The following IPMK variants were observed in gnomAD, a reference collection of about 807,000 sequenced individuals.
IPMK encodes the protein inositol polyphosphate multikinase.
IPMK carries 17 observed loss-of-function variants against 45.8 expected under a neutral mutation model. The ratio of observed to expected loss-of-function variants is 0.37; its 90% CI spans 0.25 to 0.56. The LOEUF (loss-of-function observed/expected upper bound fraction) is 0.56. Among genes scored for constraint, IPMK ranks in the 20% least tolerant of loss-of-function variants. IPMK has a pLI of 0.79. For synonymous variants in IPMK, 180 were observed against 184.3 expected (o/e 0.98, Z 0.19); for missense variants, 399 against 498.0 (o/e 0.80, Z 1.89).
At chr10:58,237,648 A>C in intron 2 of IPMK, 81 bp downstream of exon 2, 1 of 1,002,166 alleles carries the variant, frequency 1.0e-6, no homozygotes, top group Admixed American at 1.7e-5. Flanking sequence ...ATGCTGTCAA[A>C]TATGTGTCTT....
intron 4 of IPMK, among the ~76,000 whole-genome samples, chr10:58,215,463 C>T (rs1160756331): frequency 6.6e-6 from 1 of 150,674 alleles, no homozygotes; most frequent in Non-Finnish European, 1.5e-5. Flanking sequence ...GGCTGGAGTG[C>T]AGTGGCATGA....
chr10:58,246,659 T>C (rs962584409), intron 1 of IPMK, among the ~76,000 whole-genome samples: 1 of 148,216 alleles, frequency 6.7e-6, no homozygotes, highest in Non-Finnish European at 1.5e-5. Flanking sequence ...CAATTCAAGA[T>C]GGATTAAAGA....
At chr10:58,243,341 G>C (rs1838725322) in intron 1 of IPMK, among the ~76,000 whole-genome samples, 1 of 152,226 alleles carries the variant, frequency 6.6e-6, no homozygotes, top group South Asian at 2.1e-4. Context: ...GTATACAATA[G>C]AATGTCACTG....
At chr10:58,247,712 G>A (rs76657208) in intron 1 of IPMK, among the ~76,000 whole-genome samples, 15 of 152,250 alleles carry the variant, frequency 9.9e-5, no homozygotes, top group Non-Finnish European at 1.6e-4. Flanking sequence ...GCTAGATGGC[G>A]AGTTAGTGAG....
At chr10:58,246,503 A>G (rs1470215202) in intron 1 of IPMK, among the ~76,000 whole-genome samples, 2 of 142,868 alleles carry the variant, frequency 1.4e-5, no homozygotes, top group Admixed American at 6.7e-5. Flanking sequence ...AACGCCGCAT[A>G]TCTACAACTA....
intron 2 of IPMK, among the ~76,000 whole-genome samples, chr10:58,228,595 G>A (rs1838457164): frequency 6.6e-6 from 1 of 152,196 alleles, no homozygotes; most frequent in African/African-American, 2.4e-5. Flanking sequence ...GTGCAGTGGT[G>A]CAATCTCAGC....
intron 1 of IPMK, among the ~76,000 whole-genome samples, chr10:58,247,820 TA>T (rs1166185803): frequency 6.6e-6 from 1 of 151,948 alleles, no homozygotes; most frequent in Non-Finnish European, 1.5e-5. Flanking sequence ...AATAAATAAA[TA>T]AAAAAGAATT....
intron 3 of IPMK, among the ~76,000 whole-genome samples, chr10:58,221,523 CA>C (rs1301653016): frequency 6.6e-6 from 1 of 151,738 alleles, no homozygotes; most frequent in African/African-American, 2.4e-5. Flanking sequence ...AAGACTGATC[CA>C]AAAAAATATA....
intron 1 of IPMK, among the ~76,000 whole-genome samples, chr10:58,253,645 G>A (rs985403706): frequency 6.6e-6 from 1 of 151,024 alleles, no homozygotes; most frequent in African/African-American, 2.4e-5. Context: ...GGCTGAGGCG[G>A]GAGAATGCTT....
At position 58,211,919 on chromosome 10, in the gene IPMK, A is replaced by AAAAAAATAAAAAAT. The variant is rs1554823053; in HGVS notation, c.546+4225_546+4226insATTTTTTATTTTTT. On this transcript the variant is annotated intron_variant, in intron 4 of 5. Coordinates refer to ENST00000373935, the MANE Select transcript of IPMK (RefSeq NM_152230.5). Reference sequence around the variant, plus strand: ...ATCTCACCAAAAAAAAAAAAAAAAAAAAAAAATTTGTTTTCATTGTTGTGG... The same window carrying AAAAAAATAAAAAAT: ...ATCTCACCAAAAAAAAAAAAAAAAAAAAAAAATAAAAAATAAAAAATTTGTTTTCATTGTTGTGG... Among the ~76,000 whole-genome samples, 131 of 148,224 alleles carry AAAAAAATAAAAAAT rather than the reference A, an allele frequency of 8.8e-4. 2 individuals carry two copies. Among genetic ancestry groups the AAAAAAATAAAAAAT allele is most frequent in the African/African-American group, 3.3e-3 (127 of 38,238 alleles).
chr10:58,205,875 A>C (rs1158017098), intron 4 of IPMK, among the ~76,000 whole-genome samples: 1 of 152,240 alleles, frequency 6.6e-6, no homozygotes, highest in Non-Finnish European at 1.5e-5. Flanking sequence ...TGGTAAAGTC[A>C]CTTTGGAAAA....
intron 4 of IPMK, among the ~76,000 whole-genome samples, chr10:58,212,223 T>G (rs1459591112): frequency 6.6e-6 from 1 of 152,204 alleles, no homozygotes; most frequent in Non-Finnish European, 1.5e-5. Context: ...AACAGTCTTA[T>G]TCTTTCTAGT....
At position 58,196,326 on chromosome 10, in the gene IPMK, G is replaced by A; in HGVS notation, c.1001C>T (p.Ser334Leu). 6.2e-7 allele frequency: 1 copy of A among 1,614,132 alleles called. No homozygotes were observed. Among genetic ancestry groups the A allele is most frequent in the Non-Finnish European group, 8.5e-7 (1 of 1,180,024 alleles). The change falls in exon 6 of 6, where the codon TCA becomes TTA. Residue 334 changes from serine to leucine, a missense_variant. Around this residue, in one of 2 missense-constraint regions of IPMK, gnomAD observed 288 missense variants for 398.0 expected, o/e 0.72. Transcript: ENST00000373935. ...IYTKKHHSQT[S>L]LKVENLEQDN... ...TTGCTCCAGATTTTCAACTTTCAAT[G>A]AAGTCTGACTGTGATGCTTTTTTGT...
At chr10:58,243,678 T>C (rs1838734217) in intron 1 of IPMK, among the ~76,000 whole-genome samples, 1 of 152,232 alleles carries the variant, frequency 6.6e-6, no homozygotes, top group Admixed American at 6.5e-5. Context: ...TGCTCAATGT[T>C]GCCCAGGCTG....
Position 58,196,354 on chromosome 10 carries a change from A to G in IPMK, c.973T>C (p.Tyr325His). The change falls in exon 6 of 6, where the codon TAT becomes CAT. Residue 325 changes from tyrosine to histidine, a missense_variant. By Grantham distance (83) the Tyr-to-His change is moderately conservative (BLOSUM62 2). Transcript: ENST00000373935. The stretch of plus-strand genomic sequence containing the variant: ...GTCTGACTGTGATGCTTTTTTGTAT[A>G]TATTTTCCTGTGACGCGCATACATC... ...SKMYARHRKI[Y>H]TKKHHSQTSL... 3 of 1,614,118 alleles carry G rather than the reference A, an allele frequency of 1.9e-6. No individual in the cohort carries two copies. Among genetic ancestry groups the G allele is most frequent in the Non-Finnish European group, 2.5e-6 (3 of 1,180,008 alleles).
chr10:58,247,023 A>T (rs948465960), intron 1 of IPMK, among the ~76,000 whole-genome samples: 3 of 151,148 alleles, frequency 2.0e-5, no homozygotes, highest in Non-Finnish European at 2.9e-5. Context: ...TCAAAAGAAG[A>T]CATTTATGCA....
chr10:58,215,473 A>T (rs1358244627), intron 4 of IPMK, among the ~76,000 whole-genome samples: 1 of 150,808 alleles, frequency 6.6e-6, no homozygotes, highest in African/African-American at 2.5e-5. Context: ...CAGTGGCATG[A>T]TCATGGCTCA....
intron 1 of IPMK, among the ~76,000 whole-genome samples, chr10:58,259,793 CTG>C (rs1172589888): frequency 6.6e-6 from 1 of 151,740 alleles, no homozygotes; most frequent in Non-Finnish European, 1.5e-5. Context: ...TGAGCCATGA[CTG>C]TACCACTGCA....
chr10:58,250,856 C>T (rs1333712321), intron 1 of IPMK, among the ~76,000 whole-genome samples: 1 of 152,136 alleles, frequency 6.6e-6, no homozygotes, highest in Non-Finnish European at 1.5e-5. Context: ...TCCTTCTATA[C>T]ACAGTTTGGT....
Sources: gnomAD v4.1 joint callset for allele counts (sites outside exome capture counted in the v4.1 genomes callset) on GRCh38, gnomAD v4.1.1 for gene constraint, gnomAD v4.1.1 regional missense constraint, MANE v1.5 for transcripts, NCBI Gene and HGNC (gene_info 2026-07-23, HGNC 2026-07-21) for gene names.